Variants in CDA observed in about 807,000 individuals in gnomAD.
The protein encoded by CDA is cytidine deaminase, also known as cytidine aminohydrolase.
CDA carries 7 observed loss-of-function variants against 15.0 expected under a neutral mutation model. That is an observed-to-expected ratio of 0.47 (90% confidence interval 0.26 to 0.87). The LOEUF is 0.87. CDA is among the 40% of genes least tolerant of loss of function. CDA has a pLI of 0.15. For synonymous variants in CDA, 58 were observed against 73.0 expected (o/e 0.79, Z 1.05); for missense variants, 159 against 182.7 (o/e 0.87, Z 0.75).
intron 2 of CDA, among the ~76,000 whole-genome samples, chr1:20,607,709 T>C (rs1442724653): frequency 6.6e-6 from 1 of 152,204 alleles, no homozygotes; most frequent in Non-Finnish European, 1.5e-5. Flanking sequence ...AGCACCCAAC[T>C]GCTGTACTCT....
intron 2 of CDA, among the ~76,000 whole-genome samples, chr1:20,612,871 A>G (rs1570386595): frequency 7.3e-6 from 1 of 136,224 alleles, no homozygotes; most frequent in East Asian, 2.4e-4. Flanking sequence ...TGAACCCGGG[A>G]GGCGGAGGTT....
chr1:20,612,719 C>T lies in CDA; in HGVS notation c.267-1123C>T, dbSNP rs553020842. 2.6e-5 allele frequency among the ~76,000 whole-genome samples: 4 copies of T among 151,848 alleles called. No homozygotes were observed. The South Asian group carries it at 6.2e-4, about 24-fold the overall frequency. The stretch of plus-strand genomic sequence containing the variant: ...GCTCATGCCTGGAGGCCGAGGTGGG[C>T]GGATCATGAGGTCAGGAGATCGAGA... On this transcript the variant is annotated intron_variant, in intron 2 of 3. Transcript: ENST00000375071.
intron 1 of CDA, among the ~76,000 whole-genome samples, chr1:20,599,557 C>T (rs2052620335): frequency 6.8e-6 from 1 of 147,630 alleles, no homozygotes; most frequent in South Asian, 2.1e-4. Context: ...GCAGAGGTTG[C>T]AGTGAGCCGA....
At chr1:20,589,345 T>TGTACAGGAAGAGGCGCAGAG in intron 1 of CDA, 62 bp downstream of exon 1, 2 of 1,534,700 alleles carry the variant, frequency 1.3e-6, no homozygotes, top group Non-Finnish European at 1.8e-6. Flanking sequence ...CAGAGGAAGA[T>TGTACAGGAAGAGGCGCAGAG]GTACAGGAAG....
At chr1:20,598,447 C>T (rs1326112748) in intron 1 of CDA, among the ~76,000 whole-genome samples, 2 of 152,186 alleles carry the variant, frequency 1.3e-5, no homozygotes, top group Non-Finnish European at 2.9e-5. Context: ...AAATTTCTGT[C>T]CTTTATAAAT....
At position 20,606,049 on chromosome 1, in the gene CDA, G is replaced by A. The variant is rs1203910958; in HGVS notation, c.266+1010G>A. Among the ~76,000 whole-genome samples the A allele has an allele frequency of 5.6e-5, 7 of 125,482 alleles. 3 individuals are homozygous for A. Among genetic ancestry groups the A allele is most frequent in the African/African-American group, 1.7e-4 (6 of 35,640 alleles). 82.3% of individuals were successfully genotyped at this position (125,482 alleles called of 152,430 possible). On this transcript the variant is annotated intron_variant, in intron 2 of 3. Transcript: ENST00000375071. ...TTATAAGATCCTACACTTTGCCTCAGTCTGGCCCCAAGGAGACCCAGCTTA... is the reference window on the plus strand; with the variant it reads ...TTATAAGATCCTACACTTTGCCTCAATCTGGCCCCAAGGAGACCCAGCTTA...
intron 1 of CDA, among the ~76,000 whole-genome samples, chr1:20,589,714 G>A (rs1043302699): frequency 1.3e-5 from 2 of 152,152 alleles, no homozygotes; most frequent in East Asian, 1.9e-4. Flanking sequence ...CGGAGGTCTC[G>A]AGAGGTGACA....
In CDA at chr1:20,589,236, T is replaced by G; in HGVS notation, c.107T>G (p.Phe36Cys). Residue 36 changes from phenylalanine (F) to cysteine (C), a missense_variant, in exon 1 of 4, where the codon TTT becomes TGT. By Grantham distance (205) the Phe-to-Cys change is radical. Coordinates refer to ENST00000375071, the MANE Select transcript of CDA (RefSeq NM_001785.3). ...TCAGCCTACTGCCCCTACAGTCACT[T>G]TCCTGTGGGGGCTGCCCTGCTCACC... ...KKSAYCPYSH[F>C]PVGAALLTQE... is the part of the protein sequence containing the mutation. 1 of 1,613,850 alleles carries G rather than the reference T, an allele frequency of 6.2e-7. No individual in the cohort carries two copies. The highest frequency in any genetic ancestry group is 8.5e-7 in the Non-Finnish European group (1 of 1,179,792).
chr1:20,597,347 A>G (rs529356734), intron 1 of CDA, among the ~76,000 whole-genome samples: 36 of 152,334 alleles, frequency 2.4e-4, no homozygotes, highest in Admixed American at 8.5e-4. Flanking sequence ...AGGCTGAGGC[A>G]GGAGAATGGC....
intron 1 of CDA, among the ~76,000 whole-genome samples, chr1:20,600,322 G>A (rs1012236369): frequency 4.6e-5 from 7 of 152,162 alleles, no homozygotes; most frequent in Admixed American, 6.5e-5. Flanking sequence ...CTGGAAGGGC[G>A]GGGCTGGGAG....
chr1:20,593,136 C>A (rs1435336709), intron 1 of CDA, among the ~76,000 whole-genome samples: 2 of 152,098 alleles, frequency 1.3e-5, no homozygotes, highest in Admixed American at 1.3e-4. Context: ...AGGCACATGG[C>A]TTTAGGATCG....
At chr1:20,594,830 A>G (rs2052578891) in intron 1 of CDA, among the ~76,000 whole-genome samples, 1 of 151,870 alleles carries the variant, frequency 6.6e-6, no homozygotes, top group South Asian at 2.1e-4. Context: ...AAAGAAAGAA[A>G]GCAAAGAAAA....
At chr1:20,609,107 A>C (rs891057386) in intron 2 of CDA, among the ~76,000 whole-genome samples, 1 of 152,186 alleles carries the variant, frequency 6.6e-6, no homozygotes, top group Non-Finnish European at 1.5e-5. Flanking sequence ...AGTGGAATGC[A>C]TGCTTGCCCA....
At chr1:20,611,862 TTTTG>T (rs1226017155) in intron 2 of CDA, among the ~76,000 whole-genome samples, 4 of 151,850 alleles carry the variant, frequency 2.6e-5, no homozygotes, top group Admixed American at 1.3e-4. Flanking sequence ...CATACTGTTT[TTTTG>T]TTTGTTTGTT....
Position 20,613,847 on chromosome 1 carries a change from T to G in CDA, c.272T>G (p.Met91Arg). The G allele has an allele frequency of 6.2e-7, 1 of 1,614,022 alleles. No individual in the cohort carries two copies. The highest frequency in any genetic ancestry group is 8.5e-7 in the Non-Finnish European group (1 of 1,179,886). Reference sequence around the variant, plus strand: ...TTGATTCTTTGCTTCCCCAGTGACATGCAAGATGATTTTATCTCTCCATGT... The same window carrying G: ...TTGATTCTTTGCTTCCCCAGTGACAGGCAAGATGATTTTATCTCTCCATGT... Reference protein sequence around the residue: ...DFRAIAIASDMQDDFISPCGA... With the variant: ...DFRAIAIASDRQDDFISPCGA... The change falls in exon 3 of 4, where the codon ATG (methionine) becomes AGG (arginine). Residue 91 changes from methionine to arginine, a missense_variant. Met to Arg is a moderately conservative substitution (Grantham distance 91). Transcript: ENST00000375071.
intron 1 of CDA, among the ~76,000 whole-genome samples, chr1:20,598,944 G>A (rs537619216): frequency 9.8e-5 from 15 of 152,294 alleles, no homozygotes; most frequent in Non-Finnish European, 4.4e-5. Context: ...TAATATAATA[G>A]GAGGAATTAG....
At chr1:20,602,921 G>T (rs550795040) in intron 1 of CDA, among the ~76,000 whole-genome samples, 3 of 152,318 alleles carry the variant, frequency 2.0e-5, no homozygotes, top group East Asian at 3.9e-4. Flanking sequence ...CATTCCTGCT[G>T]CCCCATCTTA....
At chr1:20,590,841 G>A (rs2052541168) in intron 1 of CDA, among the ~76,000 whole-genome samples, 1 of 152,216 alleles carries the variant, frequency 6.6e-6, no homozygotes. Flanking sequence ...GAAGAGGGAT[G>A]GTGGGGCAGG....
chr1:20,617,101 C>T (rs994509418), intron 3 of CDA, among the ~76,000 whole-genome samples: 2 of 152,186 alleles, frequency 1.3e-5, no homozygotes, highest in African/African-American at 2.4e-5. Context: ...CATGACACCG[C>T]TGCTGATTAA....
Sources: gnomAD v4.1 joint callset for allele counts (sites outside exome capture counted in the v4.1 genomes callset) on GRCh38, gnomAD v4.1.1 for gene constraint, MANE v1.5 for transcripts, NCBI Gene and HGNC (gene_info 2026-07-23, HGNC 2026-07-21) for gene names.